The following RBFOX1 variants were observed in gnomAD, a reference collection of about 807,000 sequenced individuals.
The protein encoded by RBFOX1 is RNA binding protein fox-1 homolog 1.
RBFOX1 carries 8 observed loss-of-function variants against 57.7 expected under a neutral mutation model. That is an observed-to-expected ratio of 0.14 (90% CI 0.08 to 0.25). RBFOX1 has a LOEUF of 0.25. RBFOX1 is among the 10% of genes least tolerant of loss of function. RBFOX1 has a pLI of 1.00. For missense variants in RBFOX1, 611 were observed against 548.5 expected (o/e 1.11, Z -1.14); for synonymous variants, 326 against 222.4 (o/e 1.47, Z -4.15).
At chr16:7,678,747 C>G (rs1239425712) in intron 14 of RBFOX1, among the ~76,000 whole-genome samples, 1 of 152,156 alleles carries the variant, frequency 6.6e-6, no homozygotes, top group African/African-American at 2.4e-5. Context: ...TCCCTACTTG[C>G]ATTCATCTAA....
At chr16:7,044,742 T>A (rs1342328575) in intron 3 of RBFOX1, among the ~76,000 whole-genome samples, 1 of 152,206 alleles carries the variant, frequency 6.6e-6, no homozygotes, top group East Asian at 1.9e-4. Flanking sequence ...GAAATGACAT[T>A]TGATAAAGTG....
intron 2 of RBFOX1, among the ~76,000 whole-genome samples, chr16:6,550,416 C>T (rs1253906445): frequency 1.3e-5 from 2 of 152,158 alleles, no homozygotes; most frequent in African/African-American, 4.8e-5. Flanking sequence ...GCCTCCAATT[C>T]GTGGCCTCAA....
intron 2 of RBFOX1, among the ~76,000 whole-genome samples, chr16:6,430,768 A>G (rs2094056415): frequency 6.6e-6 from 1 of 152,090 alleles, no homozygotes; most frequent in African/African-American, 2.4e-5. Flanking sequence ...GCATTTTAGA[A>G]AGGCCACTCT....
At chr16:6,666,783 A>G (rs1168497767) in intron 3 of RBFOX1, among the ~76,000 whole-genome samples, 3 of 152,132 alleles carry the variant, frequency 2.0e-5, no homozygotes, top group Non-Finnish European at 2.9e-5. Context: ...ACATAACAGG[A>G]AAAACCTTGG....
intron 3 of RBFOX1, among the ~76,000 whole-genome samples, chr16:5,721,632 A>G (rs572788905): frequency 6.6e-6 from 1 of 152,232 alleles, no homozygotes; most frequent in East Asian, 1.9e-4. Context: ...AATTTTGAAA[A>G]CATTCTCTTA....
At chr16:6,559,744 T>C (rs981990714) in intron 2 of RBFOX1, among the ~76,000 whole-genome samples, 1 of 152,142 alleles carries the variant, frequency 6.6e-6, no homozygotes, top group African/African-American at 2.4e-5. Flanking sequence ...TATATCTCTT[T>C]ATATCCATAT....
chr16:5,851,986 G>T (rs184097475), intron 3 of RBFOX1, among the ~76,000 whole-genome samples: 2 of 152,274 alleles, frequency 1.3e-5, no homozygotes, highest in Admixed American at 1.3e-4. Flanking sequence ...ATGAGTTAGG[G>T]CTGTTTCCCT....
chr16:7,163,461 A>G (rs1183181986), intron 4 of RBFOX1, among the ~76,000 whole-genome samples: 1 of 152,040 alleles, frequency 6.6e-6, no homozygotes. Flanking sequence ...GGTGACTGAC[A>G]TCCTTCACCC....
intron 1 of RBFOX1, among the ~76,000 whole-genome samples, chr16:5,266,740 A>G (rs931490246): frequency 6.6e-6 from 1 of 151,218 alleles, no homozygotes; most frequent in Middle Eastern, 3.2e-3. Context: ...TATTTTTTGC[A>G]GAGAGGGGGG....
upstream of RBFOX1, among the ~76,000 whole-genome samples, chr16:6,017,753 C>A (rs192879528): frequency 6.6e-6 from 1 of 152,104 alleles, no homozygotes; most frequent in South Asian, 2.1e-4. Context: ...AACCGCAGCC[C>A]GATAGGATTG....
intron 3 of RBFOX1, among the ~76,000 whole-genome samples, chr16:5,816,750 C>G (rs1488542546): frequency 1.3e-5 from 2 of 152,176 alleles, no homozygotes; most frequent in East Asian, 3.9e-4. Context: ...TCCCACTGTA[C>G]TCTAGCCTGG....
chr16:6,213,445 C>G (rs1433753215), intron 1 of RBFOX1, among the ~76,000 whole-genome samples: 1 of 152,122 alleles, frequency 6.6e-6, no homozygotes, highest in Admixed American at 6.5e-5. Flanking sequence ...GGAAAACCTC[C>G]TAGACAGCTG....
At chr16:5,357,738 A>C (rs1282208205) in intron 1 of RBFOX1, among the ~76,000 whole-genome samples, 1 of 152,196 alleles carries the variant, frequency 6.6e-6, no homozygotes, top group Non-Finnish European at 1.5e-5. Context: ...AGAGGACACA[A>C]CTGTTCTGTT....
chr16:6,077,909 T>A (rs1252431879), intron 1 of RBFOX1, among the ~76,000 whole-genome samples: 1 of 152,026 alleles, frequency 6.6e-6, no homozygotes, highest in Non-Finnish European at 1.5e-5. Flanking sequence ...GAGTAGACAT[T>A]GGAAGGACTC....
intron 2 of RBFOX1, among the ~76,000 whole-genome samples, chr16:6,647,671 C>G (rs541533890): frequency 3.9e-5 from 6 of 152,186 alleles, no homozygotes; most frequent in Non-Finnish European, 8.8e-5. Context: ...CACATACATT[C>G]AGTCCATCAT....
At chr16:7,391,918 G>A (rs1349705629) in intron 4 of RBFOX1, among the ~76,000 whole-genome samples, 5 of 152,162 alleles carry the variant, frequency 3.3e-5, no homozygotes, top group African/African-American at 4.8e-5. Context: ...ATCAACTTGC[G>A]TTAGTTTACC....
At chr16:6,903,238 T>G (rs1186920912) in intron 3 of RBFOX1, among the ~76,000 whole-genome samples, 1 of 152,134 alleles carries the variant, frequency 6.6e-6, no homozygotes, top group South Asian at 2.1e-4. Context: ...ACAAGCTATT[T>G]AGAGGCCATT....
At chr16:5,849,173 T>C (rs2056829302) in intron 3 of RBFOX1, among the ~76,000 whole-genome samples, 1 of 152,046 alleles carries the variant, frequency 6.6e-6, no homozygotes, top group South Asian at 2.1e-4. Flanking sequence ...ATATTTCTTC[T>C]TTTTTCATGG....
At position 6,918,361 on chromosome 16, in the gene RBFOX1, T is replaced by A. The variant is rs375866541; in HGVS notation, c.-15-133696T>A. On this transcript the variant is annotated intron_variant, in intron 3 of 15. Transcript: ENST00000550418. Reference sequence around the variant, plus strand: ...ATCAGACCACTGGGCTTGGTGCCATTGTTTATGAATTTTTAACAAGCTACC... The same window carrying A: ...ATCAGACCACTGGGCTTGGTGCCATAGTTTATGAATTTTTAACAAGCTACC... Among the ~76,000 whole-genome samples the A allele has an allele frequency of 4.6e-5, 7 of 152,062 alleles. No homozygotes were observed. The East Asian group carries it at 9.7e-4, about 21-fold the overall frequency.
Sources: gnomAD v4.1 joint callset for allele counts (sites outside exome capture counted in the v4.1 genomes callset) on GRCh38, gnomAD v4.1.1 for gene constraint, MANE v1.5 for transcripts, NCBI Gene and HGNC (gene_info 2026-07-23, HGNC 2026-07-21) for gene names.